The following UBA6 variants were observed in gnomAD, a reference collection of about 807,000 sequenced individuals.
The protein encoded by UBA6 is ubiquitin like modifier activating enzyme 6.
In UBA6, 87 loss-of-function variants were observed where a neutral mutation model predicts 148.3. That is an observed-to-expected ratio of 0.59 (90% confidence interval 0.49 to 0.70). UBA6 has a LOEUF of 0.70. UBA6 is among the 30% of genes least tolerant of loss of function. The pLI, the probability that UBA6 is intolerant of heterozygous loss-of-function variation, is 0.00. For missense variants in UBA6, 1,186 were observed against 1,241.2 expected (o/e 0.96, Z 0.67); for synonymous variants, 376 against 401.0 (o/e 0.94, Z 0.75).
chr4:67,653,236 T>C (rs1729598168), intron 13 of UBA6, among the ~76,000 whole-genome samples: 1 of 152,204 alleles, frequency 6.6e-6, no homozygotes, highest in South Asian at 2.1e-4. Context: ...ATTGGGTCCC[T>C]GACCCCCATG....
At chr4:67,655,361 A>T (rs994900955) in intron 13 of UBA6, among the ~76,000 whole-genome samples, 2 of 152,242 alleles carry the variant, frequency 1.3e-5, no homozygotes. Context: ...AGTGCAATCA[A>T]ATTAGAACTC....
intron 25 of UBA6, 108 bp from the exon 26 acceptor site, chr4:67,630,643 C>A: frequency 7.5e-6 from 5 of 670,076 alleles, no homozygotes; most frequent in South Asian, 6.0e-5. Context: ...AATATAACCA[C>A]AGAATTATTA....
chr4:67,636,633 A>G (rs1729149540), intron 19 of UBA6, among the ~76,000 whole-genome samples: 2 of 152,216 alleles, frequency 1.3e-5, no homozygotes, highest in African/African-American at 4.8e-5. Context: ...ACAGTGAGTG[A>G]TCTGCCAGCC....
chr4:67,630,034 A>C (rs1209952267), intron 26 of UBA6, among the ~76,000 whole-genome samples: 2 of 152,146 alleles, frequency 1.3e-5, no homozygotes, highest in African/African-American at 2.4e-5. Flanking sequence ...TGTCAATATA[A>C]GGGAGCATTT....
intron 7 of UBA6, among the ~76,000 whole-genome samples, chr4:67,671,680 C>T (rs544252421): frequency 1.3e-3 from 195 of 152,190 alleles, no homozygotes; most frequent in African/African-American, 4.3e-3. Flanking sequence ...ATAAATACAA[C>T]AATCCAAAAA....
intron 2 of UBA6, among the ~76,000 whole-genome samples, chr4:67,694,233 AAAAAAAAAAAAG>A (rs1730771955): frequency 3.5e-5 from 5 of 143,546 alleles, no homozygotes; most frequent in Admixed American, 3.4e-4. Context: ...AAAAAAAAAA[AAAAAAAAAAAAG>A]AAAAAATACA....
At position 67,646,729 on chromosome 4, in the gene UBA6, G is replaced by A. The variant is rs1161500533; in HGVS notation, c.1311C>T (p.Leu437=). The change falls in exon 15 of 33, where the codon CTC becomes CTT. Residue 437 remains leucine (L), a synonymous_variant. Coordinates refer to ENST00000322244, the MANE Select transcript of UBA6 (RefSeq NM_018227.6). ...AAGAGAAATTTCATTATTACCGTGG[G>A]AGAAATTCTTCACATTCAGGTTTGC... The part of the protein sequence containing the change: ...SLGKPECEEF[L]PRGDRYDALR... The A allele has an allele frequency of 2.5e-6, 4 of 1,603,214 alleles. No homozygotes were observed. The highest frequency in any genetic ancestry group is 3.4e-5 in the Admixed American group (2 of 58,474).
At chr4:67,648,051 G>C (rs1438802898) in intron 14 of UBA6, among the ~76,000 whole-genome samples, 1 of 151,638 alleles carries the variant, frequency 6.6e-6, no homozygotes, top group East Asian at 2.0e-4. Flanking sequence ...AGGATTACAG[G>C]CATGAGCCAC....
intron 22 of UBA6, among the ~76,000 whole-genome samples, chr4:67,633,866 T>C (rs564938140): frequency 6.6e-6 from 1 of 152,220 alleles, no homozygotes; most frequent in East Asian, 1.9e-4. Flanking sequence ...ACTATAAGAG[T>C]AATAAGTCTT....
chr4:67,641,078 T>C (rs762590638), intron 18 of UBA6, 73 bp downstream of exon 18: 1 of 910,826 alleles, frequency 1.1e-6, no homozygotes, highest in Non-Finnish European at 1.7e-6. Context: ...TCAATCACTA[T>C]TTTCTATTTA....
intron 18 of UBA6, among the ~76,000 whole-genome samples, chr4:67,640,063 T>C (rs1212886657): frequency 6.6e-6 from 1 of 152,250 alleles, no homozygotes; most frequent in Admixed American, 6.5e-5. Context: ...TTCATCTGCA[T>C]TTGCTTTGGC....
At chr4:67,640,191 AC>A (rs1729269566) in intron 18 of UBA6, among the ~76,000 whole-genome samples, 1 of 152,216 alleles carries the variant, frequency 6.6e-6, no homozygotes, top group Non-Finnish European at 1.5e-5. Context: ...AAGTGTACAA[AC>A]AAATCAAAAC....
intron 5 of UBA6, among the ~76,000 whole-genome samples, chr4:67,678,108 T>C (rs867554522): frequency 2.7e-5 from 4 of 147,406 alleles, no homozygotes; most frequent in African/African-American, 9.8e-5. Flanking sequence ...ATATTATATG[T>C]AATATATATT....
chr4:67,658,807 T>C (rs1005165229), intron 13 of UBA6, among the ~76,000 whole-genome samples: 3 of 152,184 alleles, frequency 2.0e-5, no homozygotes, highest in Non-Finnish European at 4.4e-5. Flanking sequence ...TATGACATTC[T>C]AGAAAAGAAA....
chr4:67,635,719 C>T (rs1433814483), intron 19 of UBA6, among the ~76,000 whole-genome samples, 161 bp from the exon 20 acceptor site: 1 of 101,014 alleles, frequency 9.9e-6, no homozygotes, highest in African/African-American at 3.4e-5. Flanking sequence ...TGGATCATTC[C>T]TGTTCCCCTA....
chr4:67,698,544 C>T (rs1730894557), intron 1 of UBA6, among the ~76,000 whole-genome samples: 1 of 152,170 alleles, frequency 6.6e-6, no homozygotes, highest in Non-Finnish European at 1.5e-5. Context: ...TTAAAATTTG[C>T]CCAAAGTCAC....
intron 2 of UBA6, among the ~76,000 whole-genome samples, chr4:67,694,352 G>T (rs1234188513): frequency 7.1e-6 from 1 of 141,090 alleles, no homozygotes; most frequent in Admixed American, 7.2e-5. Context: ...GCTGGTTATT[G>T]TGTGAAAATC....
intron 18 of UBA6, among the ~76,000 whole-genome samples, chr4:67,640,945 T>G (rs1729291667): frequency 6.6e-6 from 1 of 152,206 alleles, no homozygotes. Context: ...GTTTCACAAC[T>G]CAGGTTTCAA....
Position 67,613,031 on chromosome 4 carries a change from G to A in UBA6, c.*5966C>T, listed in dbSNP as rs1728567106. On this transcript the variant is annotated 3_prime_UTR_variant, in exon 33 of 33. Coordinates refer to ENST00000322244, the MANE Select transcript of UBA6 (RefSeq NM_018227.6). ...AGTCCAGGGTCAGTGAAGAGGTAAG[G>A]GCCTGGTAACTCCAAACCATGCTTT... 6.6e-6 allele frequency: 1 copy of A among 152,136 alleles called. No individual in the cohort carries two copies. The highest frequency in any genetic ancestry group is 6.5e-5 in the Admixed American group (1 of 15,272). The allele number at this position is 152,136 out of a possible 1,614,324, so 9.4% of individuals were successfully genotyped here.
Sources: allele counts gnomAD v4.1 joint callset (sites outside exome capture counted in the v4.1 genomes callset), GRCh38; gene constraint gnomAD v4.1.1; transcripts MANE v1.5; gene names NCBI Gene and HGNC (gene_info 2026-07-23, HGNC 2026-07-21).